The following CDK8 variants were observed in gnomAD, a reference collection of about 807,000 sequenced individuals.
CDK8 encodes cyclin dependent kinase 8, also known as cyclin-dependent kinase 8.
A neutral mutation model predicts 71.5 loss-of-function variants in CDK8; 29 were observed. The ratio of observed to expected loss-of-function variants is 0.41; its 90% CI spans 0.30 to 0.55. The LOEUF (loss-of-function observed/expected upper bound fraction) is 0.55, where lower values mean the gene tolerates loss of function less well. CDK8 is among the 20% of genes least tolerant of loss of function. The pLI, the probability that CDK8 is intolerant of heterozygous loss-of-function variation, is 0.37. For missense variants in CDK8, 288 were observed against 572.6 expected (o/e 0.50, Z 5.07); for synonymous variants, 161 against 192.1 (o/e 0.84, Z 1.34).
At chr13:26,297,958 C>T (rs1248658713) in intron 1 of CDK8, among the ~76,000 whole-genome samples, 2 of 151,962 alleles carry the variant, frequency 1.3e-5, no homozygotes, top group South Asian at 2.1e-4. Context: ...TGGAAAGAGG[C>T]GGGAGAGCTC....
intron 6 of CDK8, among the ~76,000 whole-genome samples, chr13:26,390,627 C>T (rs1169934164): frequency 6.6e-6 from 1 of 152,188 alleles, no homozygotes; most frequent in Non-Finnish European, 1.5e-5. Context: ...GAAGTATGGA[C>T]TTTTAAGCTC....
At chr13:26,367,138 T>C (rs1029941566) in intron 4 of CDK8, among the ~76,000 whole-genome samples, 4 of 152,196 alleles carry the variant, frequency 2.6e-5, no homozygotes, top group Non-Finnish European at 4.4e-5. Context: ...TCTTCCTTGA[T>C]TGGTCTTCTC....
intron 1 of CDK8, among the ~76,000 whole-genome samples, chr13:26,296,780 G>T (rs1873580586): frequency 6.6e-6 from 1 of 152,202 alleles, no homozygotes; most frequent in Admixed American, 6.5e-5. Context: ...TAAAGCACAA[G>T]AGCATGGGGT....
intron 1 of CDK8, among the ~76,000 whole-genome samples, chr13:26,261,710 T>C (rs997203919): frequency 2.0e-5 from 3 of 152,232 alleles, no homozygotes; most frequent in African/African-American, 4.8e-5. Context: ...TATTCATCAA[T>C]TGGGCGTTTG....
chr13:26,294,132 C>CTTTT (rs35555772), intron 1 of CDK8, among the ~76,000 whole-genome samples: 5 of 147,132 alleles, frequency 3.4e-5, no homozygotes, highest in African/African-American at 1.0e-4. Flanking sequence ...TATTCTGCAC[C>CTTTT]TTTTTTTTTT....
chr13:26,307,986 T>C (rs1874118602), intron 1 of CDK8, among the ~76,000 whole-genome samples: 1 of 152,228 alleles, frequency 6.6e-6, no homozygotes, highest in Admixed American at 6.5e-5. Flanking sequence ...GATGTTTGGA[T>C]TGTTTGATAA....
chr13:26,262,400 G>A (rs892315060), intron 1 of CDK8, among the ~76,000 whole-genome samples: 3 of 152,194 alleles, frequency 2.0e-5, no homozygotes, highest in African/African-American at 7.2e-5. Context: ...ATGTGTGTGT[G>A]TGTGTATCTG....
intron 4 of CDK8, among the ~76,000 whole-genome samples, chr13:26,355,593 G>A (rs929535814): frequency 6.6e-6 from 1 of 152,130 alleles, no homozygotes; most frequent in African/African-American, 2.4e-5. Flanking sequence ...CAGCCTGGGC[G>A]ACAGAGCGAA....
At chr13:26,325,200 C>T (rs974492343) in intron 1 of CDK8, among the ~76,000 whole-genome samples, 4 of 152,196 alleles carry the variant, frequency 2.6e-5, no homozygotes, top group Non-Finnish European at 5.9e-5. Context: ...GAAATTCCCA[C>T]AAATCTAGAA....
At chr13:26,298,559 G>A (rs8001959) in intron 1 of CDK8, among the ~76,000 whole-genome samples, 16,462 of 152,064 alleles carry the variant, frequency 0.11, 2,641 homozygotes, top group African/African-American at 0.35. Context: ...ACAAAATTCA[G>A]TTTTTTCCTA....
chr13:26,330,877 T>C (rs1406590648), intron 1 of CDK8, among the ~76,000 whole-genome samples: 1 of 152,238 alleles, frequency 6.6e-6, no homozygotes, highest in Non-Finnish European at 1.5e-5. Flanking sequence ...GTCTTTGGTA[T>C]TGTGAATAGT....
intron 1 of CDK8, 72 bp from the exon 2 acceptor site, chr13:26,337,495 T>G (rs1248163227): frequency 1.8e-6 from 1 of 557,516 alleles, no homozygotes; most frequent in South Asian, 3.5e-5. Flanking sequence ...TTATATTTAT[T>G]TATATTTTAC....
intron 7 of CDK8, among the ~76,000 whole-genome samples, chr13:26,394,540 A>G (rs925829726): frequency 2.6e-5 from 4 of 152,198 alleles, no homozygotes; most frequent in Non-Finnish European, 4.4e-5. Context: ...TTGTACTGCT[A>G]TATGTAGAAT....
intron 4 of CDK8, among the ~76,000 whole-genome samples, chr13:26,378,126 G>A (rs187086194): frequency 1.3e-5 from 2 of 152,318 alleles, no homozygotes; most frequent in Non-Finnish European, 2.9e-5. Flanking sequence ...AGTTATTGCC[G>A]TTAACTTGGC....
chr13:26,339,752 A>ATATATATATAT (rs1555231147), intron 2 of CDK8, among the ~76,000 whole-genome samples: 3 of 41,842 alleles, frequency 7.2e-5, no homozygotes, highest in East Asian at 1.2e-3. Flanking sequence ...TTACTTAAAA[A>ATATATATATAT]AAAAATATAT....
intron 4 of CDK8, among the ~76,000 whole-genome samples, chr13:26,367,654 G>T (rs1874454308): frequency 6.6e-6 from 1 of 152,144 alleles, no homozygotes; most frequent in Non-Finnish European, 1.5e-5. Context: ...AAGTACATGA[G>T]GATTAAGAGC....
At chr13:26,262,370 GGTATTTT>G (rs1458213943) in intron 1 of CDK8, among the ~76,000 whole-genome samples, 1 of 149,732 alleles carries the variant, frequency 6.7e-6, no homozygotes, top group African/African-American at 2.6e-5. Context: ...AATTTTGACA[GGTATTTT>G]GTACTTTTGT....
At chr13:26,298,393 A>G (rs1169090602) in intron 1 of CDK8, among the ~76,000 whole-genome samples, 1 of 152,166 alleles carries the variant, frequency 6.6e-6, no homozygotes, top group African/African-American at 2.4e-5. Context: ...TGCTCATATT[A>G]GTCTCAGAAT....
chr13:26,329,469 G>GTTTTTTTTTTTTTTTT (rs35796023), intron 1 of CDK8, among the ~76,000 whole-genome samples: 5 of 71,530 alleles, frequency 7.0e-5, no homozygotes, highest in Admixed American at 1.5e-4. Flanking sequence ...GCCTATTTCT[G>GTTTTTTTTTTTTTTTT]TTTTTTTTTT....
Sources: gnomAD v4.1 joint callset for allele counts (sites outside exome capture counted in the v4.1 genomes callset) on GRCh38, gnomAD v4.1.1 for gene constraint, MANE v1.5 for transcripts, NCBI Gene and HGNC (gene_info 2026-07-23, HGNC 2026-07-21) for gene names.